The following DAB1 variants were observed in gnomAD, a reference collection of about 807,000 sequenced individuals.
The protein encoded by DAB1 is disabled homolog 1.
In DAB1, 15 loss-of-function variants were observed where a neutral mutation model predicts 64.6. That is an observed-to-expected ratio of 0.23 (90% CI 0.16 to 0.36). DAB1 has a LOEUF of 0.36. Ranked by LOEUF, DAB1 falls within the 10% of genes least tolerant of loss-of-function variation. DAB1 has a pLI of 1.00. For missense variants in DAB1, 596 were observed against 706.7 expected, an observed-to-expected ratio of 0.84 and a Z score of 1.78; for synonymous variants, 235 against 251.9, an observed-to-expected ratio of 0.93 and a Z score of 0.64.
chr1:57,824,511 C>T (rs1417422592), downstream of DAB1, among the ~76,000 whole-genome samples: 1 of 152,014 alleles, frequency 6.6e-6, no homozygotes, highest in Non-Finnish European at 1.5e-5. Context: ...TACAGGAGAG[C>T]CTGAGAGCTT....
intron 2 of DAB1, among the ~76,000 whole-genome samples, chr1:57,198,691 C>CACACACACACACA (rs1557920338): frequency 1.8e-5 from 2 of 109,736 alleles, no homozygotes; most frequent in African/African-American, 6.2e-5. Flanking sequence ...ACACACACAC[C>CACACACACACACA]CATCAACTTT....
At chr1:57,553,505 G>GAAGGAAGGAAGTAAGA (rs57000232) in intron 7 of DAB1, among the ~76,000 whole-genome samples, 1 of 120,396 alleles carries the variant, frequency 8.3e-6, no homozygotes, top group African/African-American at 3.3e-5. Context: ...AGGAAGGAAG[G>GAAGGAAGGAAGTAAGA]AAGAGAGAGA....
intron 4 of DAB1, among the ~76,000 whole-genome samples, chr1:58,330,044 C>G (rs1166828203): frequency 6.6e-6 from 1 of 152,144 alleles, no homozygotes; most frequent in Non-Finnish European, 1.5e-5. Context: ...ACATTGAAAG[C>G]TGAGATAGTC....
At chr1:57,193,813 G>A (rs1664382626) in intron 2 of DAB1, among the ~76,000 whole-genome samples, 1 of 149,876 alleles carries the variant, frequency 6.7e-6, no homozygotes, top group East Asian at 2.0e-4. Flanking sequence ...CCACAGCATA[G>A]CATAAGAACG....
chr1:57,920,909 C>T (rs986657766), intron 5 of DAB1, among the ~76,000 whole-genome samples: 2 of 151,958 alleles, frequency 1.3e-5, no homozygotes, highest in Admixed American at 6.5e-5. Context: ...TTAAATATAC[C>T]CATCCCTTCT....
At chr1:57,194,500 G>T (rs918586015) in intron 2 of DAB1, among the ~76,000 whole-genome samples, 3 of 152,178 alleles carry the variant, frequency 2.0e-5, no homozygotes, top group Non-Finnish European at 4.4e-5. Context: ...AAAGAAAAGA[G>T]CAGTCCCACA....
At chr1:57,304,401 T>G (rs1673958797) in intron 1 of DAB1, among the ~76,000 whole-genome samples, 1 of 151,194 alleles carries the variant, frequency 6.6e-6, no homozygotes, top group African/African-American at 2.4e-5. Flanking sequence ...AACATGAGAT[T>G]TGGGCAGGGA....
intron 7 of DAB1, among the ~76,000 whole-genome samples, chr1:57,609,331 T>A (rs1477179613): frequency 6.6e-6 from 1 of 152,242 alleles, no homozygotes; most frequent in African/African-American, 2.4e-5. Context: ...ATAGTACAAC[T>A]ATTCGTGTAG....
intron 3 of DAB1, chr1:58,480,642 A>G (rs1645464296): frequency 5.4e-6 from 1 of 185,330 alleles, no homozygotes. Context: ...ATTCTCTACT[A>G]TAAAAACTAC....
intron 7 of DAB1, among the ~76,000 whole-genome samples, chr1:57,527,816 C>T (rs1462018090): frequency 2.6e-5 from 4 of 152,146 alleles, no homozygotes; most frequent in Non-Finnish European, 1.5e-5. Flanking sequence ...ACCAGGCAGA[C>T]TTTTGATAAA....
At chr1:57,687,351 C>T (rs1400829545) in intron 6 of DAB1, among the ~76,000 whole-genome samples, 1 of 151,902 alleles carries the variant, frequency 6.6e-6, no homozygotes, top group African/African-American at 2.4e-5. Context: ...AAGAACTCTA[C>T]AAGGGGAACA....
intron 3 of DAB1, among the ~76,000 whole-genome samples, chr1:58,421,745 T>C (rs1391879277): frequency 6.6e-6 from 1 of 152,110 alleles, no homozygotes; most frequent in Non-Finnish European, 1.5e-5. Context: ...GACTCAGAGG[T>C]GCAGCTTGAG....
chr1:58,514,879 G>A (rs189898946), intron 2 of DAB1, among the ~76,000 whole-genome samples: 163 of 152,262 alleles, frequency 1.1e-3, no homozygotes, highest in African/African-American at 3.9e-3. Flanking sequence ...AAACCTTACT[G>A]TCTATGAGAG....
chr1:58,473,965 C>G, intron 3 of DAB1: 2 of 1,275,728 alleles, frequency 1.6e-6, no homozygotes, highest in Non-Finnish European at 2.1e-6. Context: ...TCTTCCCGGA[C>G]AAGCTGTCAC....
At chr1:57,258,608 C>T (rs1669945374) in intron 2 of DAB1, among the ~76,000 whole-genome samples, 1 of 152,152 alleles carries the variant, frequency 6.6e-6, no homozygotes, top group Non-Finnish European at 1.5e-5. Flanking sequence ...ATTACTTTCT[C>T]CCCTTGTAAT....
At chr1:57,824,043 T>C (rs910886765), downstream of DAB1, among the ~76,000 whole-genome samples, 1 of 152,206 alleles carries the variant, frequency 6.6e-6, no homozygotes, top group African/African-American at 2.4e-5. Context: ...GGCTAATATA[T>C]ATATACCACT....
At chr1:58,168,893 T>C (rs1388713700) in intron 4 of DAB1, among the ~76,000 whole-genome samples, 1 of 152,162 alleles carries the variant, frequency 6.6e-6, no homozygotes, top group African/African-American at 2.4e-5. Context: ...TTTTCAAGAA[T>C]GCATCAATAA....
intron 9 of DAB1, among the ~76,000 whole-genome samples, chr1:57,058,268 A>T (rs983426837): frequency 6.6e-6 from 1 of 152,208 alleles, no homozygotes; most frequent in Non-Finnish European, 1.5e-5. Flanking sequence ...GGTTAAACAC[A>T]AAGTGGAAGA....
intron 6 of DAB1, among the ~76,000 whole-genome samples, chr1:57,655,881 T>C (rs1442416014): frequency 6.6e-6 from 1 of 152,196 alleles, no homozygotes; most frequent in Non-Finnish European, 1.5e-5. Flanking sequence ...AGGTAAAAAA[T>C]TTAACCAGTT....
Sources: gnomAD v4.1 joint callset for allele counts (sites outside exome capture counted in the v4.1 genomes callset) on GRCh38, gnomAD v4.1.1 for gene constraint, MANE v1.5 for transcripts, NCBI Gene and HGNC (gene_info 2026-07-23, HGNC 2026-07-21) for gene names.